The following MYZAP variants were observed in gnomAD, a reference collection of about 807,000 sequenced individuals.
The protein encoded by MYZAP is myocardial zonula adherens protein.
In MYZAP, 66 loss-of-function variants were observed where a neutral mutation model predicts 69.4. That is an observed-to-expected ratio of 0.95 (90% CI 0.78 to 1.17). The LOEUF is 1.17. MYZAP is among the 50% of genes most tolerant of loss of function. The pLI, the probability that MYZAP is intolerant of heterozygous loss-of-function variation, is 0.00. For missense variants in MYZAP, 611 were observed against 556.2 expected (o/e 1.10, Z -0.99); for synonymous variants, 256 against 205.9 (o/e 1.24, Z -2.09).
intron 1 of MYZAP, among the ~76,000 whole-genome samples, chr15:57,603,031 C>G (rs1006083437): frequency 2.6e-5 from 4 of 152,184 alleles, no homozygotes; most frequent in Non-Finnish European, 5.9e-5. Flanking sequence ...TAGCTTCTCT[C>G]ACTGAGTGGT....
chr15:57,673,820 T>C (rs1397230325), intron 11 of MYZAP, among the ~76,000 whole-genome samples: 1 of 152,174 alleles, frequency 6.6e-6, no homozygotes. Flanking sequence ...CTTTTAAACT[T>C]TCTTGTGTTA....
At chr15:57,630,353 A>G (rs1040989980) in intron 6 of MYZAP, among the ~76,000 whole-genome samples, 1 of 152,062 alleles carries the variant, frequency 6.6e-6, no homozygotes, top group African/African-American at 2.4e-5. Flanking sequence ...GACACTCACC[A>G]TGGTGCTGTT....
chr15:57,667,220 C>T (rs186311338), intron 11 of MYZAP, among the ~76,000 whole-genome samples: 4 of 152,274 alleles, frequency 2.6e-5, no homozygotes, highest in Admixed American at 6.5e-5. Flanking sequence ...ACCAGGCACT[C>T]GGCTCCCCAC....
At chr15:57,617,745 A>C (rs1177763450) in intron 2 of MYZAP, among the ~76,000 whole-genome samples, 1 of 152,206 alleles carries the variant, frequency 6.6e-6, no homozygotes, top group Non-Finnish European at 1.5e-5. Context: ...TACTAGGACA[A>C]CGCAAGTCCG....
chr15:57,604,868 C>A (rs1012073215), intron 2 of MYZAP, among the ~76,000 whole-genome samples: 8 of 152,196 alleles, frequency 5.3e-5, no homozygotes, highest in African/African-American at 1.9e-4. Context: ...AGCTCCTGTG[C>A]TAAGTGCTGA....
intron 1 of MYZAP, among the ~76,000 whole-genome samples, chr15:57,600,234 G>T (rs1465595624): frequency 6.6e-6 from 1 of 152,192 alleles, no homozygotes; most frequent in Non-Finnish European, 1.5e-5. Flanking sequence ...TGAACAGCCA[G>T]TCCATCAGTG....
chr15:57,603,029 C>A (rs140962618), intron 1 of MYZAP, among the ~76,000 whole-genome samples: 1 of 152,190 alleles, frequency 6.6e-6, no homozygotes, highest in African/African-American at 2.4e-5. Flanking sequence ...TGTAGCTTCT[C>A]TCACTGAGTG....
rs959744087 is a variant in MYZAP at position 57,677,812 on chromosome 15, C to T, written c.1304+2744C>T. ...CAGCCTTGGGCAAGTTACTTCATCT[C>T]TCTAAAGCTTCAACTCTTTCATCTT... On this transcript the variant is annotated intron_variant, in intron 12 of 12. Coordinates refer to ENST00000267853, the MANE Select transcript of MYZAP (RefSeq NM_001018100.5). Among the ~76,000 whole-genome samples the T allele has an allele frequency of 3.3e-5, 5 of 152,294 alleles. No individual in the cohort carries two copies. The South Asian group carries it at 8.3e-4, about 25-fold the overall frequency.
chr15:57,620,207 A>G (rs2140391549), intron 3 of MYZAP, among the ~76,000 whole-genome samples: 1 of 152,330 alleles, frequency 6.6e-6, no homozygotes, highest in Non-Finnish European at 1.5e-5. Flanking sequence ...TTTAGAATTC[A>G]TGTGGGGAAG....
At chr15:57,615,381 C>G (rs1374612775) in intron 2 of MYZAP, among the ~76,000 whole-genome samples, 1 of 152,184 alleles carries the variant, frequency 6.6e-6, no homozygotes, top group Non-Finnish European at 1.5e-5. Context: ...GAGACCTGGG[C>G]CACTCGGGAG....
intron 12 of MYZAP, among the ~76,000 whole-genome samples, chr15:57,676,436 G>GTATATATATA (rs1244767243): frequency 6.0e-4 from 12 of 20,070 alleles, no homozygotes; most frequent in African/African-American, 1.1e-3. Flanking sequence ...ATATATATAT[G>GTATATATATA]TATATATATA....
At chr15:57,653,134 T>A (rs1216325866) in intron 10 of MYZAP, among the ~76,000 whole-genome samples, 4 of 152,150 alleles carry the variant, frequency 2.6e-5, no homozygotes, top group African/African-American at 7.2e-5. Context: ...TTTGGTGTAT[T>A]TATTAACCTG....
chr15:57,632,588 C>G (rs2036573358), intron 7 of MYZAP, 29 bp downstream of exon 7: 1 of 1,612,012 alleles, frequency 6.2e-7, no homozygotes, highest in Non-Finnish European at 8.5e-7. Flanking sequence ...CCGATGTAAA[C>G]TTACCGGGAA....
At position 57,633,156 on chromosome 15, in the gene MYZAP, G is replaced by A. The variant is rs535521492; in HGVS notation, c.805-457G>A. ...CTCCATGTCTGGCTCATCTGTGTCC[G>A]TAGAGGCTTAATACATGTTCTGATG... On this transcript the variant is annotated intron_variant, in intron 7 of 12. Transcript: ENST00000267853. 6.6e-5 allele frequency among the ~76,000 whole-genome samples: 10 copies of A among 152,288 alleles called. No homozygotes were observed. The East Asian group carries it at 1.9e-3, about 29-fold the overall frequency.
intron 12 of MYZAP, among the ~76,000 whole-genome samples, chr15:57,681,275 A>G (rs1319537732): frequency 2.6e-5 from 4 of 152,152 alleles, no homozygotes; most frequent in Middle Eastern, 3.2e-3. Context: ...ACCAGGTCCC[A>G]TGGATTGCTC....
intron 12 of MYZAP, among the ~76,000 whole-genome samples, chr15:57,680,485 T>TCA (rs71950892): frequency 0.028 from 4,071 of 143,032 alleles, 156 homozygotes; most frequent in African/African-American, 0.097. Context: ...GTTCAGGAGT[T>TCA]CACACACACA....
intron 1 of MYZAP, among the ~76,000 whole-genome samples, chr15:57,592,314 C>T (rs1283781298): frequency 2.0e-5 from 3 of 152,196 alleles, no homozygotes; most frequent in Non-Finnish European, 2.9e-5. Flanking sequence ...TAGGAGAGGG[C>T]TTAGGGGACT....
chr15:57,592,042 G>A lies in MYZAP; in HGVS notation c.8G>A (p.Arg3His), dbSNP rs1265827038. MLRSTSTVTLLSG... is the reference protein window; with the variant it reads MLHSTSTVTLLSG... ...ACCGACCGCCGCTGCGGGATGCTGC[G>A]CTCCACGTCCACGGTCACCCTGCTC... Residue 3 changes from arginine (R) to histidine (H), a missense_variant, in exon 1 of 13, where the codon CGC (arginine) becomes CAC (histidine). Arg to His is a conservative substitution (Grantham distance 29, BLOSUM62 0). Coordinates refer to ENST00000267853, the MANE Select transcript of MYZAP (RefSeq NM_001018100.5). 6 of 1,434,492 alleles carry A rather than the reference G, an allele frequency of 4.2e-6. No homozygotes were observed. In the African/African-American group the frequency reaches 4.4e-5, roughly 11 times the overall value. The allele number at this position is 1,434,492 out of a possible 1,614,324, so 88.9% of individuals were successfully genotyped here.
intron 11 of MYZAP, among the ~76,000 whole-genome samples, chr15:57,673,642 A>G (rs1337231254): frequency 6.6e-6 from 1 of 152,148 alleles, no homozygotes; most frequent in African/African-American, 2.4e-5. Context: ...CCTTTACACC[A>G]TTTCTTATTT....
Sources: allele counts gnomAD v4.1 joint callset (sites outside exome capture counted in the v4.1 genomes callset), GRCh38; gene constraint gnomAD v4.1.1; transcripts MANE v1.5; gene names NCBI Gene and HGNC (gene_info 2026-07-23, HGNC 2026-07-21).